Variants in MMD2 observed in about 807,000 individuals in gnomAD.
The protein encoded by MMD2 is monocyte to macrophage differentiation factor 2.
MMD2 carries 30 observed loss-of-function variants against 33.5 expected under a neutral mutation model. The ratio of observed to expected loss-of-function variants is 0.90; its 90% CI spans 0.67 to 1.22. MMD2 has a LOEUF of 1.22. Ranked by LOEUF, MMD2 falls within the 50% of genes most tolerant of loss-of-function variation. The pLI is 0.00. For missense variants in MMD2, 364 were observed against 325.4 expected (o/e 1.12, Z -0.91); for synonymous variants, 129 against 123.0 (o/e 1.05, Z -0.32).
rs1786101058 is a variant in MMD2, at chr7:4,946,907, C to T, written c.47+12064G>A. ...AAGAAATACCTGAGACTGGGTAATT[C>T]ATAAAGAAAAGGAGTTTAGGCTGGG... On this transcript the variant is annotated intron_variant, in intron 1 of 6. Coordinates refer to ENST00000401401, the MANE Select transcript of MMD2 (RefSeq NM_198403.4). The surrounding 1 kb of genome is among the most constrained non-coding windows in gnomAD (Gnocchi z 5.0). Among the ~76,000 whole-genome samples the T allele has an allele frequency of 6.6e-6, 1 of 152,012 alleles. No homozygotes were observed. Among genetic ancestry groups the T allele is most frequent in the Admixed American group, 6.6e-5 (1 of 15,222 alleles).
chr7:4,939,065 C>T (rs1785830212), intron 1 of MMD2, among the ~76,000 whole-genome samples: 1 of 152,000 alleles, frequency 6.6e-6, no homozygotes, highest in African/African-American at 2.4e-5. Flanking sequence ...AAACAATTAG[C>T]TGAGCATGGT....
chr7:4,899,474 C>T, the MMD2 span, among the ~76,000 whole-genome samples: 7 of 152,082 alleles, frequency 4.6e-5, no homozygotes, highest in South Asian at 2.1e-4. Flanking sequence ...CTGCAGCCTC[C>T]GCTTCCTGGG....
chr7:4,933,276 C>A (rs1785642858), intron 1 of MMD2, among the ~76,000 whole-genome samples: 1 of 152,110 alleles, frequency 6.6e-6, no homozygotes, highest in Non-Finnish European at 1.5e-5. Context: ...GCAAGAGGAT[C>A]ACTTGAGCCC....
At chr7:4,913,782 C>T (rs1785073347) in intron 4 of MMD2, among the ~76,000 whole-genome samples, 1 of 150,134 alleles carries the variant, frequency 6.7e-6, no homozygotes, top group Non-Finnish European at 1.5e-5. Flanking sequence ...CTGCCTTAGC[C>T]TCCCGAGTAG....
intron 1 of MMD2, among the ~76,000 whole-genome samples, chr7:4,939,747 T>TTC (rs1562491145): frequency 2.0e-5 from 3 of 149,896 alleles, no homozygotes; most frequent in African/African-American, 7.4e-5. Flanking sequence ...TCTTTCTTTT[T>TTC]TTTTTTTTTT....
chr7:4,920,465 C>T (rs1420797104), intron 2 of MMD2, 134 bp from the exon 3 acceptor site: 7 of 805,374 alleles, frequency 8.7e-6, no homozygotes, highest in Admixed American at 2.8e-5. Flanking sequence ...CACTGAAGAA[C>T]GGAATCATTT....
At chr7:4,892,452 G>A in the MMD2 span, among the ~76,000 whole-genome samples, 1 of 151,648 alleles carries the variant, frequency 6.6e-6, no homozygotes, top group African/African-American at 2.4e-5. Context: ...GCTGGGCATG[G>A]TGGTGGGTGC....
At chr7:4,922,942 G>T (rs898482423) in intron 2 of MMD2, among the ~76,000 whole-genome samples, 1 of 152,154 alleles carries the variant, frequency 6.6e-6, no homozygotes, top group Non-Finnish European at 1.5e-5. Flanking sequence ...TTAACAGCAG[G>T]GGCCTGGTAC....
chr7:4,917,194 G>A (rs1415371217), intron 3 of MMD2, among the ~76,000 whole-genome samples: 1 of 150,912 alleles, frequency 6.6e-6, no homozygotes, highest in Non-Finnish European at 1.5e-5. Context: ...GCCTGGGTTC[G>A]AATTCCAGCT....
chr7:4,924,776 G>A (rs1402026638), intron 2 of MMD2, among the ~76,000 whole-genome samples: 4 of 152,160 alleles, frequency 2.6e-5, no homozygotes, highest in Non-Finnish European at 5.9e-5. Flanking sequence ...CAAAGGCATG[G>A]AGTCATGTCT....
At chr7:4,948,132 G>A (rs1045579980) in intron 1 of MMD2, among the ~76,000 whole-genome samples, 7 of 152,060 alleles carry the variant, frequency 4.6e-5, no homozygotes, top group Admixed American at 6.6e-5. Flanking sequence ...ATCCAACATC[G>A]GGGATTACAA....
rs114615477 is a variant in MMD2 at position 4,925,632 on chromosome 7, G to C, written c.48-100C>G. Reference sequence around the variant, plus strand: ...ACCTTACTTCCTACTGGTAGGAAAAGAAGAGCACTCCCCTTCTCCCTTTTT... The same window carrying C: ...ACCTTACTTCCTACTGGTAGGAAAACAAGAGCACTCCCCTTCTCCCTTTTT... On this transcript the variant is annotated intron_variant, in intron 1 of 6. Transcript: ENST00000401401. 13 of 745,148 alleles carry C rather than the reference G, an allele frequency of 1.7e-5. No individual in the cohort carries two copies. In the South Asian group the frequency reaches 2.8e-4, roughly 16 times the overall value. The allele number at this position is 745,148 out of a possible 1,614,324, so 46.2% of individuals were successfully genotyped here.
chr7:4,907,719 CCCAGGTGGGAAGCCTCAACACTGACATA>C, intron 6 of MMD2, 120 bp from the exon 7 acceptor site: 1 of 862,252 alleles, frequency 1.2e-6, no homozygotes, highest in South Asian at 1.6e-5. Context: ...AGCCCAGACT[CCCAGGTGGGAAGCCTCAACACTGACATA>C]CCAGCAATTC....
chr7:4,900,866 G>A, the MMD2 span, among the ~76,000 whole-genome samples: 3 of 152,118 alleles, frequency 2.0e-5, no homozygotes, highest in South Asian at 2.1e-4. Flanking sequence ...TGGGCCGGGC[G>A]CAGTGGCTCA....
intron 3 of MMD2, among the ~76,000 whole-genome samples, chr7:4,916,371 C>CTTTTTTT (rs553309427): frequency 7.7e-5 from 5 of 64,748 alleles, no homozygotes; most frequent in Admixed American, 2.2e-4. Flanking sequence ...CTCCGTCCCA[C>CTTTTTTT]TTTTTTTTTT....
intron 1 of MMD2, among the ~76,000 whole-genome samples, chr7:4,953,465 G>C (rs1562498070): frequency 7.3e-6 from 1 of 137,308 alleles, no homozygotes; most frequent in Non-Finnish European, 1.6e-5. Context: ...ATTTTCGTGT[G>C]ATTCAGTCTC....
chr7:4,919,121 T>C (rs1167644329), intron 3 of MMD2, among the ~76,000 whole-genome samples: 1 of 150,486 alleles, frequency 6.6e-6, no homozygotes, highest in East Asian at 2.0e-4. Flanking sequence ...AAATCAAAAC[T>C]GTAATATCAG....
intron 1 of MMD2, among the ~76,000 whole-genome samples, chr7:4,941,784 C>T (rs1785920069): frequency 6.6e-6 from 1 of 150,958 alleles, no homozygotes; most frequent in Non-Finnish European, 1.5e-5. Flanking sequence ...GTCTGGTGTC[C>T]CTGACTCAAA....
intron 3 of MMD2, among the ~76,000 whole-genome samples, chr7:4,918,212 C>G (rs1396081779): frequency 6.6e-6 from 1 of 152,152 alleles, no homozygotes; most frequent in African/African-American, 2.4e-5. Flanking sequence ...GTAAGTGTTT[C>G]TTGTTATTTT....
Sources: allele counts gnomAD v4.1 joint callset (sites outside exome capture counted in the v4.1 genomes callset), GRCh38; gene constraint gnomAD v4.1.1; non-coding constraint Gnocchi (gnomAD v3.1); transcripts MANE v1.5; gene names NCBI Gene and HGNC (gene_info 2026-07-23, HGNC 2026-07-21).